AQP9: variants seen among roughly 807,000 people sequenced by gnomAD.
The protein encoded by AQP9 is aquaporin-9.
AQP9 carries 19 observed loss-of-function variants against 23.8 expected under a neutral mutation model. That is an observed-to-expected ratio of 0.80 (90% CI 0.56 to 1.17). The LOEUF is 1.17. Ranked by LOEUF, AQP9 falls within the 50% of genes most tolerant of loss-of-function variation. The pLI, the probability that AQP9 is intolerant of heterozygous loss-of-function variation, is 0.00. For synonymous variants in AQP9, 153 were observed against 131.5 expected, an observed-to-expected ratio of 1.16 and a Z score of -1.12; for missense variants, 413 against 362.0, an observed-to-expected ratio of 1.14 and a Z score of -1.14.
intron 1 of AQP9, chr15:58,153,101 G>A (rs765543435): frequency 4.6e-5 from 7 of 152,130 alleles, no homozygotes. Flanking sequence ...TAATACAGCA[G>A]CCCTCCAAAT....
Position 58,185,715 on chromosome 15 carries a change from C to A in AQP9, c.*1580C>A, listed in dbSNP as rs184784024. The A allele has an allele frequency of 6.6e-6, 1 of 152,220 alleles. No homozygotes were observed. Among genetic ancestry groups the A allele is most frequent in the African/African-American group, 2.4e-5 (1 of 41,448 alleles). 9.4% of individuals were successfully genotyped at this position (152,220 alleles called of 1,614,324 possible). A position where few individuals can be genotyped will look rare whatever the true frequency, so the allele number is the denominator to read the frequency against. Reference sequence around the variant, plus strand: ...ATCAAGGGATGCACCTTCAGTCAAACTGTCAAAAAGCCCAGAATTCCCAAA... The same window carrying A: ...ATCAAGGGATGCACCTTCAGTCAAAATGTCAAAAAGCCCAGAATTCCCAAA... On this transcript the variant is annotated 3_prime_UTR_variant, in exon 6 of 6. Transcript: ENST00000219919.
intron 1 of AQP9, among the ~76,000 whole-genome samples, chr15:58,143,229 T>C (rs1297571430): frequency 6.6e-6 from 1 of 152,186 alleles, no homozygotes; most frequent in African/African-American, 2.4e-5. Context: ...AGGTTCTAAA[T>C]CTGAACATGC....
chr15:58,160,687 G>T (rs1195014223), intron 1 of AQP9, among the ~76,000 whole-genome samples: 3 of 151,962 alleles, frequency 2.0e-5, no homozygotes, highest in African/African-American at 7.3e-5. Context: ...GGGGTGGGGG[G>T]TCGGTGCCAC....
intron 2 of AQP9, among the ~76,000 whole-genome samples, chr15:58,169,046 G>A (rs1898566763): frequency 6.6e-6 from 1 of 152,108 alleles, no homozygotes. Flanking sequence ...ATATACCTGG[G>A]GATTTCTGCA....
chr15:58,150,316 T>C (rs1566981611), intron 1 of AQP9: 1 of 152,640 alleles, frequency 6.6e-6, no homozygotes, highest in East Asian at 1.9e-4. Flanking sequence ...TCCTACAAGT[T>C]TCAGAATATT....
At chr15:58,178,716 A>G (rs1195294273) in intron 4 of AQP9, among the ~76,000 whole-genome samples, 1 of 152,098 alleles carries the variant, frequency 6.6e-6, no homozygotes, top group African/African-American at 2.4e-5. Context: ...TCATCTATTG[A>G]TATCTCACAT....
intron 1 of AQP9, among the ~76,000 whole-genome samples, chr15:58,142,412 A>C (rs1358198543): frequency 6.6e-6 from 1 of 152,232 alleles, no homozygotes; most frequent in African/African-American, 2.4e-5. Context: ...CAAAGTTTAC[A>C]GTTTAAAATA....
chr15:58,149,692 G>A (rs146423515), intron 1 of AQP9, among the ~76,000 whole-genome samples: 1 of 152,304 alleles, frequency 6.6e-6, no homozygotes, highest in Non-Finnish European at 1.5e-5. Context: ...TAGGATGGAT[G>A]GGGGACTTCT....
rs1268238742 is a variant in AQP9 at position 58,185,435 on chromosome 15, CACTT to C, written c.*1304_*1307del. ...CCCTCATTGTCTGGGTCTATTCCCA[CACTT>C]ACTGAGTACAGATGAAGGAAAGTGG... On this transcript the variant is annotated 3_prime_UTR_variant, in exon 6 of 6. Coordinates refer to ENST00000219919, the MANE Select transcript of AQP9 (RefSeq NM_020980.5). The C allele has an allele frequency of 6.6e-6, 1 of 152,626 alleles. No individual in the cohort carries two copies. The highest frequency in any genetic ancestry group is 1.5e-5 in the Non-Finnish European group (1 of 68,034). 9.5% of individuals were successfully genotyped at this position (152,626 alleles called of 1,614,324 possible).
At chr15:58,149,422 C>T (rs1280943387) in intron 1 of AQP9, among the ~76,000 whole-genome samples, 2 of 152,170 alleles carry the variant, frequency 1.3e-5, no homozygotes, top group Non-Finnish European at 2.9e-5. Context: ...AAACCTTGGC[C>T]CCAGCACGTA....
chr15:58,158,745 C>T (rs1279474241), intron 1 of AQP9, among the ~76,000 whole-genome samples: 1 of 152,148 alleles, frequency 6.6e-6, no homozygotes, highest in Non-Finnish European at 1.5e-5. Flanking sequence ...AATACAAGAT[C>T]ACAAAAGGTA....
Position 58,166,718 on chromosome 15 carries a change from C to T in AQP9, c.157C>T (p.Arg53Cys), listed in dbSNP as rs1042353446. ...CVAQAILSRG[R>C]FGGVITINVG... ...TGCCCAAGCTATTCTCAGTCGAGGACGTTTTGGAGGGGTCATCACTATCAA... is the reference window on the plus strand; with the variant it reads ...TGCCCAAGCTATTCTCAGTCGAGGATGTTTTGGAGGGGTCATCACTATCAA... Residue 53 changes from arginine (R) to cysteine (C), a missense_variant, in exon 2 of 6, where the codon CGT becomes TGT. Coordinates refer to ENST00000219919, the MANE Select transcript of AQP9 (RefSeq NM_020980.5). 8.7e-6 allele frequency: 14 copies of T among 1,613,634 alleles called. No individual in the cohort carries two copies. The highest frequency in any genetic ancestry group is 2.2e-5 in the East Asian group (1 of 44,868).
intron 1 of AQP9, among the ~76,000 whole-genome samples, chr15:58,154,762 A>G (rs547674503): frequency 1.3e-5 from 2 of 152,126 alleles, no homozygotes; most frequent in Non-Finnish European, 2.9e-5. Flanking sequence ...ATTCAACAGA[A>G]TACCACAACC....
At chr15:58,181,435 A>C (rs150719643) in intron 5 of AQP9, among the ~76,000 whole-genome samples, 36 of 152,342 alleles carry the variant, frequency 2.4e-4, no homozygotes, top group African/African-American at 7.7e-4. Flanking sequence ...AGGAGTTTAG[A>C]GGTCTACAGC....
At chr15:58,153,205 A>T (rs1168020207) in intron 1 of AQP9, 2 of 152,154 alleles carry the variant, frequency 1.3e-5, no homozygotes, top group African/African-American at 2.4e-5. Flanking sequence ...ACAAATATTT[A>T]TTCTAAATCT....
At chr15:58,147,374 C>T (rs1327313861) in intron 1 of AQP9, among the ~76,000 whole-genome samples, 1 of 152,158 alleles carries the variant, frequency 6.6e-6, no homozygotes, top group Non-Finnish European at 1.5e-5. Context: ...TAACAACCCA[C>T]AGATGGTTCA....
chr15:58,161,986 AG>A (rs1389377263), intron 1 of AQP9, among the ~76,000 whole-genome samples: 11 of 152,240 alleles, frequency 7.2e-5, no homozygotes, highest in South Asian at 6.2e-4. Context: ...AGAAAAAAAA[AG>A]TTCAACATAT....
rs1317811588 is a variant in AQP9 at position 58,166,704 on chromosome 15, T to C, written c.143T>C (p.Ile48Thr). 1 of 1,612,164 alleles carries C rather than the reference T, an allele frequency of 6.2e-7. No individual in the cohort carries two copies. The highest frequency in any genetic ancestry group is 8.5e-7 in the Non-Finnish European group (1 of 1,179,056). The change falls in exon 2 of 6, where the codon ATT (isoleucine) becomes ACT (threonine). Residue 48 changes from isoleucine to threonine, a missense_variant. Coordinates refer to ENST00000219919, the MANE Select transcript of AQP9 (RefSeq NM_020980.5). ...GGATGTGGCTGTGTTGCCCAAGCTA[T>C]TCTCAGTCGAGGACGTTTTGGAGGG... is the stretch of plus-strand genomic sequence containing the variant. ...VLGCGCVAQA[I>T]LSRGRFGGVI... is the part of the protein sequence containing the mutation.
chr15:58,170,075 G>C (rs560040722), intron 2 of AQP9, among the ~76,000 whole-genome samples: 1 of 152,024 alleles, frequency 6.6e-6, no homozygotes, highest in African/African-American at 2.4e-5. Context: ...CAGCAACCTC[G>C]GCAAAGCCAA....
Sources: gnomAD v4.1 joint callset for allele counts (sites outside exome capture counted in the v4.1 genomes callset) on GRCh38, gnomAD v4.1.1 for gene constraint, MANE v1.5 for transcripts, NCBI Gene and HGNC (gene_info 2026-07-23, HGNC 2026-07-21) for gene names.